LZTR1: variants seen among roughly 807,000 people sequenced by gnomAD.
LZTR1 encodes leucine-zipper-like transcriptional regulator 1.
In LZTR1, 260 loss-of-function variants were observed where a neutral mutation model predicts 105.7. The observed-to-expected ratio is 2.46, with a 90% CI of 2.22 to 2.72. The LOEUF (loss-of-function observed/expected upper bound fraction) is 2.72, where lower values mean the gene tolerates loss of function less well. Among genes scored for constraint, LZTR1 ranks in the 30% most tolerant of loss-of-function variants. The pLI is 0.00. For synonymous variants in LZTR1, 490 were observed against 476.4 expected (o/e 1.03, Z -0.37); for missense variants, 1,214 against 1,166.9 (o/e 1.04, Z -0.59).
intron 2 of LZTR1, 28 bp downstream of exon 2, chr22:20,983,117 G>C: frequency 6.2e-7 from 1 of 1,601,800 alleles, no homozygotes; most frequent in East Asian, 2.2e-5. Context: ...TCAGTGTTTG[G>C]ACCAGGTAGG....
rs113656906 is a variant in LZTR1 at position 20,982,738 on chromosome 22, G to A, written c.200+167G>A. Among the ~76,000 whole-genome samples, 334 of 152,328 alleles carry A rather than the reference G, an allele frequency of 2.2e-3. 1 individual carries two copies. The highest frequency in any genetic ancestry group is 7.5e-3 in the African/African-American group (313 of 41,576). ...CAGGGCAGGGGAGAGGGTTCCGAGG[G>A]AGTCCCAGAGCCCGATGTCCCGGGA... On this transcript the variant is annotated intron_variant, in intron 1 of 20. Transcript: ENST00000646124.
At chr22:20,995,238 G>C (rs1924788038) in intron 16 of LZTR1, 2 of 704,622 alleles carry the variant, frequency 2.8e-6, no homozygotes, top group South Asian at 3.0e-5. Flanking sequence ...GTGTCCTGGT[G>C]ACCTGGGATT....
intron 16 of LZTR1, 89 bp downstream of exon 16, chr22:20,995,115 A>T: frequency 6.9e-7 from 1 of 1,455,188 alleles, no homozygotes; most frequent in Non-Finnish European, 9.3e-7. Context: ...AGCACCTGCC[A>T]GGCCCTCGGG....
intron 6 of LZTR1, 51 bp from the exon 7 acceptor site, chr22:20,989,574 C>T: frequency 1.4e-6 from 2 of 1,471,970 alleles, no homozygotes; most frequent in Non-Finnish European, 1.9e-6. Flanking sequence ...AGGACTAGGC[C>T]CACCCTGACC....
chr22:20,995,576 C>T (rs1394318789), intron 16 of LZTR1, 170 bp from the exon 17 acceptor site: 32 of 826,256 alleles, frequency 3.9e-5, no homozygotes, highest in Middle Eastern at 3.1e-4. Flanking sequence ...GCCAGGGCGC[C>T]GAGGGAGGAC....
chr22:20,988,591 T>C (rs1321056040), intron 5 of LZTR1, among the ~76,000 whole-genome samples, 198 bp from the exon 6 acceptor site: 1 of 152,242 alleles, frequency 6.6e-6, no homozygotes, highest in African/African-American at 2.4e-5. Flanking sequence ...TGTGGCTGTC[T>C]GAATTCCTCT....
chr22:20,991,522 C>G, intron 8 of LZTR1, 106 bp from the exon 9 acceptor site: 1 of 892,098 alleles, frequency 1.1e-6, no homozygotes, highest in South Asian at 1.6e-5. Flanking sequence ...GGCTAGTCAC[C>G]GTAAGGGATG....
At chr22:20,990,930 A>G (rs1185577643) in intron 8 of LZTR1, 1 of 184,118 alleles carries the variant, frequency 5.4e-6, no homozygotes, top group Non-Finnish European at 1.1e-5. Flanking sequence ...GATCCCTGCA[A>G]TGGGGCTGCA....
chr22:20,992,763 C>A (rs1601720169), intron 10 of LZTR1, 31 bp from the exon 11 acceptor site: 1 of 1,392,030 alleles, frequency 7.2e-7, no homozygotes, highest in Middle Eastern at 1.8e-4. Flanking sequence ...TCTGCTCCCC[C>A]ACCATTCCAC....
Position 20,994,027 on chromosome 22 carries a change from G to T in LZTR1, c.1449+8G>T. 2 of 1,601,668 alleles carry T rather than the reference G, an allele frequency of 1.2e-6. No individual in the cohort carries two copies. Among genetic ancestry groups the T allele is most frequent in the Non-Finnish European group, 8.5e-7 (1 of 1,175,896 alleles). On this transcript the variant is annotated splice_region_variant and intron_variant, in intron 13 of 20. Transcript: ENST00000646124. ...CGGGAGAGGCTGGCCCAGGTGAGGT[G>T]CCTAACCGCCCTGCCCTGACCTGGC...
intron 10 of LZTR1, 185 bp from the exon 11 acceptor site, chr22:20,992,609 C>T: frequency 1.6e-6 from 1 of 629,654 alleles, no homozygotes; most frequent in Non-Finnish European, 2.8e-6. Context: ...CCGTCATGCC[C>T]CACTCGCCTA....
chr22:20,984,343 A>G (rs178283), intron 2 of LZTR1, among the ~76,000 whole-genome samples: 151,663 of 152,322 alleles, frequency 1, 75,503 homozygotes, highest in African/African-American at 1. Context: ...ACCCACAAGC[A>G]TTTACTGCAG....
At chr22:20,991,522 C>T (rs555974725) in intron 8 of LZTR1, 106 bp from the exon 9 acceptor site, 8 of 892,098 alleles carry the variant, frequency 9.0e-6, no homozygotes, top group East Asian at 2.7e-5. Flanking sequence ...GGCTAGTCAC[C>T]GTAAGGGATG....
intron 11 of LZTR1, 142 bp downstream of exon 11, chr22:20,993,046 TGTGGGCTGAGG>T (rs1384576211): frequency 1.2e-5 from 8 of 642,744 alleles, no homozygotes; most frequent in Non-Finnish European, 1.9e-5. Context: ...GGAGGAGCCC[TGTGGGCTGAGG>T]GTGGGCTGAG....
At chr22:20,986,407 T>C (rs1924383150) in intron 3 of LZTR1, 1 of 148,414 alleles carries the variant, frequency 6.7e-6, no homozygotes, top group African/African-American at 2.6e-5. Flanking sequence ...GATAGATAGA[T>C]AGATAGATAG....
In LZTR1 at chr22:20,987,131, C is replaced by G. The variant is rs372741324; in HGVS notation, c.321-373C>G. 4.2e-4 allele frequency: 72 copies of G among 173,292 alleles called. 1 individual carries two copies. Among genetic ancestry groups the G allele is most frequent in the East Asian group, 2.7e-3 (18 of 6,788 alleles). The allele number at this position is 173,292 out of a possible 1,614,324, so 10.7% of individuals were successfully genotyped here. On this transcript the variant is annotated intron_variant, in intron 3 of 20. Coordinates refer to ENST00000646124, the MANE Select transcript of LZTR1 (RefSeq NM_006767.4). ...AAACGTAGCTGGGCGCGGTGGCTCACGCCTGTAATCCCAGCACTTTGGGAG... is the reference window on the plus strand; with the variant it reads ...AAACGTAGCTGGGCGCGGTGGCTCAGGCCTGTAATCCCAGCACTTTGGGAG...
chr22:20,988,392 C>G (rs1924478723), intron 5 of LZTR1, among the ~76,000 whole-genome samples: 1 of 152,168 alleles, frequency 6.6e-6, no homozygotes, highest in Non-Finnish European at 1.5e-5. Context: ...ATCACTTGAG[C>G]CCATGACTTC....
chr22:20,982,440 G>C lies in LZTR1; in HGVS notation c.69G>C (p.Lys23Asn). Reference protein sequence around the residue: ...AAALAGGARSKVAPSVDFDHS... With the variant: ...AAALAGGARSNVAPSVDFDHS... Reference sequence around the variant, plus strand: ...CCCTGGCAGGCGGCGCGCGGTCCAAGGTAGCCCCGAGCGTGGACTTCGACC... The same window carrying C: ...CCCTGGCAGGCGGCGCGCGGTCCAACGTAGCCCCGAGCGTGGACTTCGACC... The change falls in exon 1 of 21, where the codon AAG becomes AAC. Residue 23 changes from lysine (K) to asparagine (N), a missense_variant. Coordinates refer to ENST00000646124, the MANE Select transcript of LZTR1 (RefSeq NM_006767.4). 6.3e-7 allele frequency: 1 copy of C among 1,588,270 alleles called. No individual in the cohort carries two copies. The highest frequency in any genetic ancestry group is 8.6e-7 in the Non-Finnish European group (1 of 1,167,044).
At chr22:20,990,776 G>A (rs1186416330) in intron 8 of LZTR1, 5 of 464,872 alleles carry the variant, frequency 1.1e-5, no homozygotes, top group Non-Finnish European at 1.2e-5. Context: ...CGTGAAGGAC[G>A]TCCCCTTCCT....
Sources: allele counts gnomAD v4.1 joint callset (sites outside exome capture counted in the v4.1 genomes callset), GRCh38; gene constraint gnomAD v4.1.1; transcripts MANE v1.5; gene names NCBI Gene and HGNC (gene_info 2026-07-23, HGNC 2026-07-21).